NME7: variants seen among roughly 807,000 people sequenced by gnomAD.
NME7 encodes nucleoside diphosphate kinase 7.
NME7 carries 41 observed loss-of-function variants against 49.1 expected under a neutral mutation model. That is an observed-to-expected ratio of 0.83 (90% CI 0.65 to 1.08). The LOEUF (loss-of-function observed/expected upper bound fraction) is 1.08. Ranked by LOEUF, NME7 falls within the 50% of genes least tolerant of loss-of-function variation. The probability of loss-of-function intolerance (pLI) is 0.00; values close to 1 mark genes in which losing one functional copy is unlikely to be tolerated. For synonymous variants in NME7, 139 were observed against 150.6 expected, an observed-to-expected ratio of 0.92 and a Z score of 0.56; for missense variants, 423 against 463.4, an observed-to-expected ratio of 0.91 and a Z score of 0.80.
chr1:169,337,579 A>C (rs2101956699), intron 1 of NME7, among the ~76,000 whole-genome samples: 1 of 152,330 alleles, frequency 6.6e-6, no homozygotes, highest in South Asian at 2.1e-4. Flanking sequence ...GTGGGAGCCC[A>C]TGCAGAGGAG....
intron 10 of NME7, among the ~76,000 whole-genome samples, chr1:169,198,887 G>C (rs1660464951): frequency 6.6e-6 from 1 of 152,010 alleles, no homozygotes; most frequent in South Asian, 2.1e-4. Flanking sequence ...TATAGACCTT[G>C]CTCAATTTTT....
At chr1:169,261,190 A>C (rs1282063599) in intron 7 of NME7, among the ~76,000 whole-genome samples, 1 of 134,744 alleles carries the variant, frequency 7.4e-6, no homozygotes, top group Non-Finnish European at 1.7e-5. Flanking sequence ...AAACTTAGAT[A>C]ATTAAGCTTA....
rs777709708 is a variant in NME7 at position 169,287,361 on chromosome 1, G to A, written c.696C>T (p.Asn232=). The A allele has an allele frequency of 7.5e-6, 12 of 1,607,570 alleles. No homozygotes were observed. Among genetic ancestry groups the A allele is most frequent in the Non-Finnish European group, 1.0e-5 (12 of 1,177,582 alleles). ...AGGTACAATTAGTAAATTTAGCAGTGTTTGCCGGCCCACAACCTCCACTTG... is the reference window on the plus strand; with the variant it reads ...AGGTACAATTAGTAAATTTAGCAGTATTTGCCGGCCCACAACCTCCACTTG... ...FPSSGGCGPA[N]TAKFTNCTCC... is the part of the protein sequence containing the mutation. Residue 232 remains asparagine, a synonymous_variant, in exon 7 of 12, where the codon AAC becomes AAT. Transcript: ENST00000367811.
intron 10 of NME7, among the ~76,000 whole-genome samples, chr1:169,223,300 A>G (rs962519551): frequency 4.6e-5 from 7 of 151,786 alleles, no homozygotes; most frequent in African/African-American, 1.5e-4. Context: ...CATTTTTTTA[A>G]TATTTCTTAT....
intron 7 of NME7, among the ~76,000 whole-genome samples, chr1:169,240,847 G>A (rs1648060019): frequency 6.6e-6 from 1 of 151,964 alleles, no homozygotes; most frequent in Non-Finnish European, 1.5e-5. Flanking sequence ...GTTTTCCAAG[G>A]TTCTAAGTTT....
intron 7 of NME7, among the ~76,000 whole-genome samples, chr1:169,277,137 G>T (rs893956483): frequency 2.0e-5 from 3 of 150,382 alleles, no homozygotes; most frequent in African/African-American, 4.9e-5. Flanking sequence ...ATAGGTGTGG[G>T]GTGGTGCTGA....
At position 169,287,439 on chromosome 1, in the gene NME7, T is replaced by C. The variant is rs970943242; in HGVS notation, c.649-31A>G. On this transcript the variant is annotated intron_variant, in intron 6 of 11. Transcript: ENST00000367811. ...GACAGAGAGAAATGATTTTGACAAA[T>C]GTGATCTCTTATCTTGAACTTACAA... 4 of 1,439,460 alleles carry C rather than the reference T, an allele frequency of 2.8e-6. No individual in the cohort carries two copies. In the Admixed American group the frequency reaches 6.2e-5, roughly 22 times the overall value. 89.2% of individuals were successfully genotyped at this position (1,439,460 alleles called of 1,614,324 possible).
At chr1:169,196,199 A>G (rs1660376025) in intron 10 of NME7, among the ~76,000 whole-genome samples, 1 of 152,240 alleles carries the variant, frequency 6.6e-6, no homozygotes, top group Non-Finnish European at 1.5e-5. Context: ...AAATATTCTT[A>G]CAACTATATT....
chr1:169,179,410 A>G (rs1659861626), intron 10 of NME7, among the ~76,000 whole-genome samples: 1 of 152,202 alleles, frequency 6.6e-6, no homozygotes, highest in South Asian at 2.1e-4. Context: ...TGATTCCTCA[A>G]AGACCTAGAG....
At chr1:169,333,819 C>T (rs1652357908) in intron 1 of NME7, among the ~76,000 whole-genome samples, 1 of 152,042 alleles carries the variant, frequency 6.6e-6, no homozygotes, top group Non-Finnish European at 1.5e-5. Context: ...GCAGTGTTTG[C>T]TCGATTTCTA....
At chr1:169,332,267 T>C (rs906995460) in intron 1 of NME7, among the ~76,000 whole-genome samples, 1 of 152,122 alleles carries the variant, frequency 6.6e-6, no homozygotes, top group East Asian at 1.9e-4. Flanking sequence ...GATGTCTATA[T>C]GCAGAAGAAT....
At chr1:169,150,135 G>A (rs981088682) in intron 11 of NME7, among the ~76,000 whole-genome samples, 1 of 152,106 alleles carries the variant, frequency 6.6e-6, no homozygotes, top group African/African-American at 2.4e-5. Flanking sequence ...TTGCACCACT[G>A]TACTCTAGCC....
intron 10 of NME7, among the ~76,000 whole-genome samples, chr1:169,181,279 A>G (rs1659921329): frequency 6.6e-6 from 1 of 151,836 alleles, no homozygotes. Flanking sequence ...CCTCAATTAC[A>G]TGTTTTCTCT....
intron 11 of NME7, among the ~76,000 whole-genome samples, chr1:169,143,273 C>CTTTTTTTTTTTTT (rs71299493): frequency 3.1e-5 from 3 of 98,206 alleles, no homozygotes; most frequent in Non-Finnish European, 4.2e-5. Context: ...TCACCTCAGG[C>CTTTTTTTTTTTTT]TTTTTTTTTT....
chr1:169,246,459 CAG>C (rs1648319688), intron 7 of NME7, among the ~76,000 whole-genome samples: 1 of 152,170 alleles, frequency 6.6e-6, no homozygotes, highest in Non-Finnish European at 1.5e-5. Context: ...TTTTAAAAGA[CAG>C]ATTTAATTCA....
At chr1:169,132,972 G>A (rs1041295837) in intron 11 of NME7, among the ~76,000 whole-genome samples, 155 bp from the exon 12 acceptor site, 11 of 152,196 alleles carry the variant, frequency 7.2e-5, no homozygotes, top group Non-Finnish European at 1.3e-4. Flanking sequence ...GAGAATCGAT[G>A]AAGCTCCAGT....
At chr1:169,193,726 G>C (rs547947592) in intron 10 of NME7, among the ~76,000 whole-genome samples, 1 of 152,204 alleles carries the variant, frequency 6.6e-6, no homozygotes, top group South Asian at 2.1e-4. Context: ...ACTTTTTAGG[G>C]AAACTTGAGC....
At chr1:169,182,577 A>G (rs1282779276) in intron 10 of NME7, among the ~76,000 whole-genome samples, 1 of 152,154 alleles carries the variant, frequency 6.6e-6, no homozygotes, top group Non-Finnish European at 1.5e-5. Context: ...CTACTATCAC[A>G]GTTCACCTTC....
At chr1:169,184,777 T>C (rs1228306895) in intron 10 of NME7, among the ~76,000 whole-genome samples, 1 of 152,194 alleles carries the variant, frequency 6.6e-6, no homozygotes, top group Non-Finnish European at 1.5e-5. Context: ...GACATGTTAA[T>C]AAACAGTCGG....
Sources: allele counts gnomAD v4.1 joint callset (sites outside exome capture counted in the v4.1 genomes callset), GRCh38; gene constraint gnomAD v4.1.1; transcripts MANE v1.5; gene names NCBI Gene and HGNC (gene_info 2026-07-23, HGNC 2026-07-21).